Variants in CPXM2 observed in about 807,000 individuals in gnomAD.
The protein encoded by CPXM2 is inactive carboxypeptidase-like protein X2.
In CPXM2, 66 loss-of-function variants were observed where a neutral mutation model predicts 86.1. The ratio of observed to expected loss-of-function variants is 0.77; its 90% confidence interval spans 0.63 to 0.94. The LOEUF is 0.94. Ranked by LOEUF, CPXM2 falls within the 40% of genes least tolerant of loss-of-function variation. The pLI is 0.00. For missense variants in CPXM2, 948 were observed against 1,026.3 expected (o/e 0.92, Z 1.04); for synonymous variants, 388 against 400.2 (o/e 0.97, Z 0.36).
At chr10:123,840,829 G>T (rs1279931962) in intron 4 of CPXM2, among the ~76,000 whole-genome samples, 2 of 152,226 alleles carry the variant, frequency 1.3e-5, no homozygotes, top group African/African-American at 2.4e-5. Context: ...GACAATGACA[G>T]GTGGTTAAAT....
chr10:123,858,114 C>T (rs1481510647), intron 3 of CPXM2, among the ~76,000 whole-genome samples: 1 of 152,224 alleles, frequency 6.6e-6, no homozygotes, highest in Non-Finnish European at 1.5e-5. Context: ...TGAACCAATG[C>T]TGCTTCTGTG....
chr10:123,879,001 C>A (rs985768572), intron 2 of CPXM2, among the ~76,000 whole-genome samples: 7 of 152,156 alleles, frequency 4.6e-5, no homozygotes, highest in Non-Finnish European at 1.0e-4. Context: ...GTGCACTGTG[C>A]AGAATGCGCT....
intron 4 of CPXM2, among the ~76,000 whole-genome samples, chr10:123,831,760 C>T (rs1428660186): frequency 6.6e-6 from 1 of 151,980 alleles, no homozygotes; most frequent in African/African-American, 2.4e-5. Context: ...TCTCTTCTTC[C>T]ATATTTAAGA....
At chr10:123,805,326 T>C (rs2134081632) in intron 4 of CPXM2, among the ~76,000 whole-genome samples, 1 of 152,248 alleles carries the variant, frequency 6.6e-6, no homozygotes, top group Non-Finnish European at 1.5e-5. Context: ...TCTTCTTTTC[T>C]AATATAGCAT....
intron 4 of CPXM2, among the ~76,000 whole-genome samples, chr10:123,808,984 G>A (rs986205006): frequency 6.8e-6 from 1 of 147,624 alleles, no homozygotes; most frequent in Non-Finnish European, 1.5e-5. Context: ...TTCCAGAAAC[G>A]AACAATTCAC....
intron 4 of CPXM2, among the ~76,000 whole-genome samples, chr10:123,824,586 C>G (rs1311966328): frequency 6.6e-6 from 1 of 152,134 alleles, no homozygotes; most frequent in African/African-American, 2.4e-5. Context: ...TGAGAGCAAG[C>G]AGGGAGATTT....
intron 2 of CPXM2, among the ~76,000 whole-genome samples, chr10:123,903,529 G>T (rs1459788630): frequency 6.6e-6 from 1 of 152,196 alleles, no homozygotes; most frequent in African/African-American, 2.4e-5. Context: ...GAGATCTGGG[G>T]TACCCACCTG....
intron 7 of CPXM2, among the ~76,000 whole-genome samples, chr10:123,774,906 G>C (rs1381072043): frequency 6.6e-6 from 1 of 152,212 alleles, no homozygotes; most frequent in South Asian, 2.1e-4. Context: ...AAAAGACACA[G>C]TAATAACGTC....
intron 4 of CPXM2, among the ~76,000 whole-genome samples, chr10:123,835,797 C>T (rs958875761): frequency 2.0e-5 from 3 of 152,192 alleles, no homozygotes; most frequent in Admixed American, 1.3e-4. Flanking sequence ...CTATGGCAGG[C>T]TGCTGCCATG....
chr10:123,799,248 T>C (rs957519703), intron 4 of CPXM2, 49 bp from the exon 5 acceptor site: 5 of 1,607,468 alleles, frequency 3.1e-6, no homozygotes, highest in Non-Finnish European at 4.2e-6. Flanking sequence ...AAAATGTTTG[T>C]TCTTCCATGA....
intron 4 of CPXM2, among the ~76,000 whole-genome samples, chr10:123,832,200 C>T (rs1476807436): frequency 6.6e-6 from 1 of 152,174 alleles, no homozygotes; most frequent in Non-Finnish European, 1.5e-5. Context: ...TCATGGGCCC[C>T]TAAAGGTCAT....
upstream of CPXM2, among the ~76,000 whole-genome samples, chr10:123,941,103 G>A (rs185295426): frequency 3.2e-3 from 486 of 152,242 alleles, no homozygotes; most frequent in Admixed American, 5.2e-3. Context: ...CCTGGGAGGC[G>A]GAGCTTGCAG....
chr10:123,846,976 T>C (rs893185255), intron 3 of CPXM2, among the ~76,000 whole-genome samples: 4 of 152,154 alleles, frequency 2.6e-5, no homozygotes, highest in African/African-American at 7.2e-5. Flanking sequence ...AGAAATGATA[T>C]GAAGTAAATA....
rs1382409265 is a variant in CPXM2 at position 123,754,287 on chromosome 10, T to G, written c.2017+376A>C. On this transcript the variant is annotated intron_variant, in intron 13 of 13. Transcript: ENST00000241305. This position sits in a 1 kb window ranked among gnomAD's most constrained non-coding sequence, Gnocchi z 4.0. ...CCCTCTCCGGAGCAGCCTGGCTCCC[T>G]CGCTCCCTGGCCCCTCTGCACTCAT... Among the ~76,000 whole-genome samples, 1 of 152,166 alleles carries G rather than the reference T, an allele frequency of 6.6e-6. No homozygotes were observed.
chr10:123,879,609 C>G (rs972657206), intron 2 of CPXM2, among the ~76,000 whole-genome samples: 1 of 152,032 alleles, frequency 6.6e-6, no homozygotes, highest in African/African-American at 2.4e-5. Flanking sequence ...AAATGTGATC[C>G]TGGTTACCAC....
At chr10:123,855,015 A>G (rs573163528) in intron 3 of CPXM2, among the ~76,000 whole-genome samples, 28 of 151,826 alleles carry the variant, frequency 1.8e-4, no homozygotes, top group African/African-American at 6.3e-4. Flanking sequence ...ACCGGCTTGT[A>G]TGTCTACACT....
chr10:123,847,418 C>G (rs986429145), intron 3 of CPXM2, among the ~76,000 whole-genome samples: 1 of 151,868 alleles, frequency 6.6e-6, no homozygotes, highest in Non-Finnish European at 1.5e-5. Context: ...CTCAGCCACT[C>G]AGGAGGCTGA....
chr10:123,816,639 TCTC>T (rs1330643393), intron 4 of CPXM2, among the ~76,000 whole-genome samples: 1 of 152,174 alleles, frequency 6.6e-6, no homozygotes, highest in African/African-American at 2.4e-5. Flanking sequence ...AATTAACACA[TCTC>T]CTGGCAACTG....
At chr10:123,751,681 T>G in intron 13 of CPXM2, 2 of 985,404 alleles carry the variant, frequency 2.0e-6, no homozygotes, top group Non-Finnish European at 2.4e-6. Context: ...TTAATACCCC[T>G]GTTTATTTTA....
Sources: allele counts gnomAD v4.1 joint callset (sites outside exome capture counted in the v4.1 genomes callset), GRCh38; gene constraint gnomAD v4.1.1; non-coding constraint Gnocchi (gnomAD v3.1); transcripts MANE v1.5; gene names NCBI Gene and HGNC (gene_info 2026-07-23, HGNC 2026-07-21).